Variants in GSK3B observed in about 807,000 individuals in gnomAD.
GSK3B encodes glycogen synthase kinase-3 beta.
Under a neutral mutation model 56.4 loss-of-function variants are expected in GSK3B, and 15 were observed. The observed-to-expected ratio is 0.27, with a 90% CI of 0.18 to 0.41. The LOEUF (loss-of-function observed/expected upper bound fraction) is 0.41, where lower values mean the gene tolerates loss of function less well. Among genes scored for constraint, GSK3B ranks in the 10% least tolerant of loss-of-function variants. The pLI is 1.00. For synonymous variants in GSK3B, 181 were observed against 188.9 expected (o/e 0.96, Z 0.34); for missense variants, 300 against 513.4 (o/e 0.58, Z 4.02).
intron 2 of GSK3B, among the ~76,000 whole-genome samples, chr3:119,947,937 C>T (rs1222715791): frequency 2.7e-5 from 4 of 150,250 alleles, no homozygotes; most frequent in African/African-American, 7.3e-5. Context: ...GTAGACCACA[C>T]AAAACTATTT....
intron 1 of GSK3B, among the ~76,000 whole-genome samples, chr3:120,015,780 A>G (rs1168461235): frequency 1.3e-5 from 2 of 152,114 alleles, no homozygotes; most frequent in Non-Finnish European, 2.9e-5. Flanking sequence ...AGAATTATTC[A>G]AGCAGAATTG....
At position 119,905,848 on chromosome 3, in the gene GSK3B, T is replaced by A. The variant is rs1412257576; in HGVS notation, c.720A>T (p.Val240=). The change falls in exon 7 of 11, where the codon GTA becomes GTT. Residue 240 remains valine, a synonymous_variant. Transcript: ENST00000264235. ...GATDYTSSID[V]WSAGCVLAEL... ...CAGCCAACACACAGCCAGCAGACCA[T>A]ACATCTAAAGAGAAAAGAAAACGAA... 5 of 1,572,220 alleles carry A rather than the reference T, an allele frequency of 3.2e-6. 1 individual carries two copies. Among genetic ancestry groups the A allele is most frequent in the African/African-American group, 1.3e-5 (1 of 74,146 alleles).
chr3:120,093,307 G>A (rs199823197), intron 1 of GSK3B, 40 bp downstream of exon 1: 13 of 1,269,952 alleles, frequency 1.0e-5, no homozygotes, highest in African/African-American at 1.5e-5. Context: ...TATTTTAAGG[G>A]CGAGGTGGAA....
At chr3:119,979,855 A>G (rs1406867223) in intron 2 of GSK3B, among the ~76,000 whole-genome samples, 2 of 152,186 alleles carry the variant, frequency 1.3e-5, no homozygotes, top group African/African-American at 4.8e-5. Context: ...TTAGAGGTAA[A>G]TAAGTACCTC....
At chr3:119,958,277 A>G (rs920891903) in intron 2 of GSK3B, among the ~76,000 whole-genome samples, 1 of 151,916 alleles carries the variant, frequency 6.6e-6, no homozygotes, top group African/African-American at 2.4e-5. Context: ...TCTTTCCTTT[A>G]TAAATTACCC....
chr3:119,974,795 A>C (rs540706908), intron 2 of GSK3B, among the ~76,000 whole-genome samples: 1 of 152,382 alleles, frequency 6.6e-6, no homozygotes, highest in Non-Finnish European at 1.5e-5. Context: ...CACACCTATT[A>C]GAATGGCTAA....
chr3:119,867,960 C>T (rs2108039617), intron 8 of GSK3B, among the ~76,000 whole-genome samples: 1 of 151,968 alleles, frequency 6.6e-6, no homozygotes, highest in East Asian at 1.9e-4. Context: ...CAAAATAAGA[C>T]TCAACTGGGC....
chr3:120,013,866 A>C (rs1461733681), intron 1 of GSK3B, among the ~76,000 whole-genome samples: 1 of 151,902 alleles, frequency 6.6e-6, no homozygotes, highest in Non-Finnish European at 1.5e-5. Flanking sequence ...AAAAAAAAAA[A>C]AACTATTAAA....
intron 1 of GSK3B, chr3:120,028,848 C>T (rs555412648): frequency 1.4e-5 from 6 of 432,926 alleles, no homozygotes; most frequent in Admixed American, 6.1e-5. Flanking sequence ...AGCCCCGCCA[C>T]GGCTGCTCAG....
intron 1 of GSK3B, among the ~76,000 whole-genome samples, chr3:120,060,486 G>C (rs941200173): frequency 6.6e-6 from 1 of 152,138 alleles, no homozygotes; most frequent in Admixed American, 6.5e-5. Flanking sequence ...TCAGCACTTA[G>C]GGAGCCGAGG....
intron 1 of GSK3B, among the ~76,000 whole-genome samples, chr3:120,082,570 A>AT (rs1227684300): frequency 6.6e-6 from 1 of 151,256 alleles, no homozygotes; most frequent in Non-Finnish European, 1.5e-5. Flanking sequence ...TAATTTTCGT[A>AT]TTTTTAGTAG....
At chr3:119,967,088 T>C (rs1307288077) in intron 2 of GSK3B, among the ~76,000 whole-genome samples, 5 of 151,886 alleles carry the variant, frequency 3.3e-5, no homozygotes, top group African/African-American at 1.2e-4. Flanking sequence ...CAGCTACCTT[T>C]TTTTTTTTTA....
At chr3:120,076,404 A>G (rs2058367252) in intron 1 of GSK3B, among the ~76,000 whole-genome samples, 1 of 152,198 alleles carries the variant, frequency 6.6e-6, no homozygotes, top group African/African-American at 2.4e-5. Flanking sequence ...AACAAAATAA[A>G]AAGACAACCT....
chr3:120,046,925 T>C (rs984125831), intron 1 of GSK3B, among the ~76,000 whole-genome samples: 2 of 152,192 alleles, frequency 1.3e-5, no homozygotes, highest in Non-Finnish European at 2.9e-5. Context: ...CTTTTAATTT[T>C]AGACTAGACC....
chr3:120,050,764 G>T (rs185624508), intron 1 of GSK3B, among the ~76,000 whole-genome samples: 2 of 152,290 alleles, frequency 1.3e-5, no homozygotes, highest in Admixed American at 6.5e-5. Context: ...GGTAATTCCT[G>T]CAGGTCTAGG....
intron 3 of GSK3B, among the ~76,000 whole-genome samples, chr3:119,939,474 G>A (rs1295408127): frequency 6.6e-6 from 1 of 152,110 alleles, no homozygotes; most frequent in African/African-American, 2.4e-5. Context: ...AATGCTAATT[G>A]ATCATATAAA....
Position 119,855,542 on chromosome 3 carries a change from C to T in GSK3B, c.1096+7877G>A, listed in dbSNP as rs149920706. 8.5e-4 allele frequency among the ~76,000 whole-genome samples: 130 copies of T among 152,224 alleles called. 1 individual carries two copies. Among genetic ancestry groups the T allele is most frequent in the East Asian group, 1.5e-3 (8 of 5,184 alleles). ...GACACATGCACATGTAAGTTTATTG[C>T]GGCACTATTCACAATAGCGAAGACT... On this transcript the variant is annotated intron_variant, in intron 9 of 10. Transcript: ENST00000264235.
At chr3:119,974,730 C>G (rs534916562) in intron 2 of GSK3B, among the ~76,000 whole-genome samples, 2 of 152,228 alleles carry the variant, frequency 1.3e-5, no homozygotes, top group South Asian at 4.2e-4. Context: ...AGAAGATGTT[C>G]AACATCATAT....
At chr3:119,972,602 A>G (rs1370284797) in intron 2 of GSK3B, among the ~76,000 whole-genome samples, 1 of 151,758 alleles carries the variant, frequency 6.6e-6, no homozygotes, top group African/African-American at 2.4e-5. Context: ...AGCCCAGCTA[A>G]TTTTTTGTAT....
Sources: allele counts gnomAD v4.1 joint callset (sites outside exome capture counted in the v4.1 genomes callset), GRCh38; gene constraint gnomAD v4.1.1; transcripts MANE v1.5; gene names NCBI Gene and HGNC (gene_info 2026-07-23, HGNC 2026-07-21).